The following TSHZ1 variants were observed in gnomAD, a reference collection of about 807,000 sequenced individuals.
TSHZ1 encodes teashirt homolog 1.
A neutral mutation model predicts 67.1 loss-of-function variants in TSHZ1; 12 were observed. The ratio of observed to expected loss-of-function variants is 0.18; its 90% CI spans 0.11 to 0.29. The LOEUF is 0.29. TSHZ1 is among the 10% of genes least tolerant of loss of function. The pLI, the probability that TSHZ1 is intolerant of heterozygous loss-of-function variation, is 1.00. For missense variants in TSHZ1, 1,305 were observed against 1,413.9 expected (o/e 0.92, Z 1.23); for synonymous variants, 632 against 622.4 (o/e 1.02, Z -0.23).
At chr18:75,216,773 CTTA>C (rs1210806951) in intron 1 of TSHZ1, among the ~76,000 whole-genome samples, 1 of 151,718 alleles carries the variant, frequency 6.6e-6, no homozygotes, top group African/African-American at 2.4e-5. Context: ...ACCAGTGAGG[CTTA>C]CGTTTCAACA....
intron 1 of TSHZ1, among the ~76,000 whole-genome samples, chr18:75,238,281 C>G (rs975184175): frequency 2.0e-5 from 3 of 152,130 alleles, no homozygotes; most frequent in Non-Finnish European, 2.9e-5. Context: ...CTCTGGACAC[C>G]CTCTAACTGC....
intron 1 of TSHZ1, among the ~76,000 whole-genome samples, chr18:75,260,294 A>C (rs1418162373): frequency 2.0e-5 from 3 of 152,142 alleles, no homozygotes; most frequent in African/African-American, 7.2e-5. Context: ...CCGCTTTTGC[A>C]TTTTCCCCAG....
chr18:75,276,183 G>A (rs906807582), intron 1 of TSHZ1, among the ~76,000 whole-genome samples: 3 of 152,072 alleles, frequency 2.0e-5, no homozygotes. Flanking sequence ...AAGAAATTAT[G>A]TTTGTTTTAA....
At chr18:75,238,361 G>A (rs1454824107) in intron 1 of TSHZ1, among the ~76,000 whole-genome samples, 1 of 152,114 alleles carries the variant, frequency 6.6e-6, no homozygotes, top group Non-Finnish European at 1.5e-5. Context: ...GTCGTCGTAG[G>A]CAGCTCCTGT....
rs376918773 is a variant in TSHZ1 at position 75,265,727 on chromosome 18, A to G, written c.41-19721A>G. ...CTTCTCCCCCATCTCATTCCCTCTC[A>G]CTTTCTAGACGAGACCCCTTCCAAG... On this transcript the variant is annotated intron_variant, in intron 1 of 1. Transcript: ENST00000580243. Among the ~76,000 whole-genome samples the G allele has an allele frequency of 1.2e-4, 18 of 152,180 alleles. No individual in the cohort carries two copies. The South Asian group carries it at 2.9e-3, about 25-fold the overall frequency.
intron 1 of TSHZ1, among the ~76,000 whole-genome samples, chr18:75,279,067 G>A (rs1000306755): frequency 6.6e-6 from 1 of 152,132 alleles, no homozygotes; most frequent in Non-Finnish European, 1.5e-5. Flanking sequence ...TCAGCCTCAG[G>A]GCCCCTGGCC....
intron 1 of TSHZ1, among the ~76,000 whole-genome samples, chr18:75,274,748 C>T (rs959682560): frequency 2.6e-5 from 4 of 151,938 alleles, no homozygotes; most frequent in South Asian, 2.1e-4. Flanking sequence ...TTTTTAAAAA[C>T]GGCATCTTGT....
intron 1 of TSHZ1, among the ~76,000 whole-genome samples, chr18:75,232,672 G>T (rs550251658): frequency 1.3e-5 from 2 of 152,230 alleles, no homozygotes; most frequent in Non-Finnish European, 2.9e-5. Context: ...AGGAAGTGGA[G>T]TGTGCCCCCA....
In TSHZ1 at chr18:75,276,330, T is replaced by C. The variant is rs890998489; in HGVS notation, c.41-9118T>C. On this transcript the variant is annotated intron_variant, in intron 1 of 1. Coordinates refer to ENST00000580243, the MANE Select transcript of TSHZ1 (RefSeq NM_001308210.2). ...TATCATGTCAGAGCAAAAGTAGCCTTTCAGCTTTGCTTGGCAGGGTGTCAG... is the reference window on the plus strand; with the variant it reads ...TATCATGTCAGAGCAAAAGTAGCCTCTCAGCTTTGCTTGGCAGGGTGTCAG... Among the ~76,000 whole-genome samples, 7 of 152,170 alleles carry C rather than the reference T, an allele frequency of 4.6e-5. No homozygotes were observed. In the East Asian group the frequency reaches 1.2e-3, roughly 25 times the overall value.
At chr18:75,241,560 G>A (rs1197324779) in intron 1 of TSHZ1, among the ~76,000 whole-genome samples, 2 of 152,140 alleles carry the variant, frequency 1.3e-5, no homozygotes, top group Admixed American at 6.5e-5. Flanking sequence ...GAAGGGCCAC[G>A]CTGGCCATTT....
At chr18:75,222,512 G>GA (rs1158327913) in intron 1 of TSHZ1, among the ~76,000 whole-genome samples, 2 of 151,982 alleles carry the variant, frequency 1.3e-5, no homozygotes, top group Non-Finnish European at 2.9e-5. Flanking sequence ...GCAGAGCTCC[G>GA]AGAAGCTGGT....
intron 1 of TSHZ1, among the ~76,000 whole-genome samples, chr18:75,266,191 G>A (rs963228000): frequency 3.3e-5 from 5 of 152,140 alleles, no homozygotes; most frequent in Non-Finnish European, 5.9e-5. Flanking sequence ...CTTGCAGCCC[G>A]GTGCTAGGGC....
In TSHZ1 at chr18:75,288,544, T is replaced by C; in HGVS notation, c.3137T>C (p.Phe1046Ser). The change falls in exon 2 of 2, where the codon TTT becomes TCT. Residue 1046 changes from phenylalanine (F) to serine (S), a missense_variant. Phe to Ser is a radical substitution (Grantham distance 155). This residue lies in a region of TSHZ1 where 909 missense variants were observed against 961.8 expected (regional missense o/e 0.95). Transcript: ENST00000580243. This position sits in a 1 kb window ranked among gnomAD's most constrained non-coding sequence, Gnocchi z 4.9. The part of the protein sequence containing the change: ...TFQCKLCNRT[F>S]ASKHAVKLHL... Reference sequence around the variant, plus strand: ...CAATGTAAGCTCTGCAACCGGACTTTTGCGAGCAAGCACGCAGTCAAACTG... The same window carrying C: ...CAATGTAAGCTCTGCAACCGGACTTCTGCGAGCAAGCACGCAGTCAAACTG... The C allele has an allele frequency of 1.9e-6, 3 of 1,614,226 alleles. No individual in the cohort carries two copies. Among genetic ancestry groups the C allele is most frequent in the African/African-American group, 1.3e-5 (1 of 75,060 alleles).
chr18:75,252,902 T>C (rs2023321278), intron 1 of TSHZ1, among the ~76,000 whole-genome samples: 1 of 152,226 alleles, frequency 6.6e-6, no homozygotes, highest in Non-Finnish European at 1.5e-5. Context: ...ACTTTCCTTT[T>C]TTCAATGAAT....
intron 1 of TSHZ1, among the ~76,000 whole-genome samples, chr18:75,228,654 T>C (rs963183779): frequency 6.6e-6 from 1 of 152,248 alleles, no homozygotes; most frequent in African/African-American, 2.4e-5. Context: ...TCAGTCTTTT[T>C]CATTTTGCTT....
intron 1 of TSHZ1, among the ~76,000 whole-genome samples, chr18:75,222,171 G>A (rs2022854508): frequency 6.6e-6 from 1 of 151,980 alleles, no homozygotes. Context: ...TTGGGTTAGA[G>A]GGGGGTTGTG....
At chr18:75,252,008 C>A (rs935227926) in intron 1 of TSHZ1, among the ~76,000 whole-genome samples, 1 of 152,132 alleles carries the variant, frequency 6.6e-6, no homozygotes, top group Non-Finnish European at 1.5e-5. Context: ...CCAGAAATTA[C>A]CAAAATTGAT....
chr18:75,233,079 T>G (rs1026768721), intron 1 of TSHZ1, among the ~76,000 whole-genome samples: 2 of 152,206 alleles, frequency 1.3e-5, no homozygotes, highest in Middle Eastern at 3.2e-3. Context: ...GGAGCAGTTA[T>G]GAGCTGGGCC....
In TSHZ1 at chr18:75,286,313, T is replaced by C. The variant is rs3744909; in HGVS notation, c.906T>C (p.Asp302=). 616,434 of 1,611,988 alleles carry C rather than the reference T, an allele frequency of 0.38. 120,798 individuals carry two copies. The highest frequency in any genetic ancestry group is 0.4 in the Non-Finnish European group (474,963 of 1,178,442). ...RSLMEMEGKE[D]AQKVLKCMYC... ...TGATGGAGATGGAGGGGAAGGAGGA[T>C]GCCCAGAAGGTGCTGAAGTGCATGT... is the stretch of plus-strand genomic sequence containing the variant. Residue 302 remains aspartate, a synonymous_variant, in exon 2 of 2, where the codon GAT becomes GAC. Coordinates refer to ENST00000580243, the MANE Select transcript of TSHZ1 (RefSeq NM_001308210.2). The surrounding 1 kb of genome is among the most constrained non-coding windows in gnomAD (Gnocchi z 5.1).
Sources: allele counts gnomAD v4.1 joint callset (sites outside exome capture counted in the v4.1 genomes callset), GRCh38; gene constraint gnomAD v4.1.1; regional missense constraint gnomAD v4.1.1; non-coding constraint Gnocchi (gnomAD v3.1); transcripts MANE v1.5; gene names NCBI Gene and HGNC (gene_info 2026-07-23, HGNC 2026-07-21).